The following LRRTM4 variants were observed in gnomAD, a reference collection of about 807,000 sequenced individuals.
The protein encoded by LRRTM4 is leucine rich repeat transmembrane neuronal 4.
Under a neutral mutation model 47.6 loss-of-function variants are expected in LRRTM4, and 25 were observed. The observed-to-expected ratio is 0.53, with a 90% CI of 0.38 to 0.73. LRRTM4 has a LOEUF of 0.73. Among genes scored for constraint, LRRTM4 ranks in the 30% least tolerant of loss-of-function variants. The probability of loss-of-function intolerance (pLI) is 0.00; values close to 1 mark genes in which losing one functional copy is unlikely to be tolerated. For missense variants in LRRTM4, 638 were observed against 713.4 expected, an observed-to-expected ratio of 0.89 and a Z score of 1.20; for synonymous variants, 311 against 269.5, an observed-to-expected ratio of 1.15 and a Z score of -1.51.
At chr2:77,380,573 G>A (rs375390578) in intron 3 of LRRTM4, among the ~76,000 whole-genome samples, 2 of 152,072 alleles carry the variant, frequency 1.3e-5, no homozygotes, top group Admixed American at 6.6e-5. Flanking sequence ...AAGATGGGTG[G>A]ATCACTTGAG....
At chr2:77,477,777 T>C (rs1449971152) in intron 3 of LRRTM4, among the ~76,000 whole-genome samples, 1 of 144,944 alleles carries the variant, frequency 6.9e-6, no homozygotes, top group African/African-American at 2.6e-5. Flanking sequence ...AGGTAGAGGT[T>C]GCGGTGAGCC....
At chr2:77,263,658 A>G (rs1443076866) in intron 3 of LRRTM4, among the ~76,000 whole-genome samples, 1 of 152,140 alleles carries the variant, frequency 6.6e-6, no homozygotes, top group Admixed American at 6.6e-5. Flanking sequence ...GGAAGAAAAC[A>G]GTTTTTGTTT....
chr2:76,884,412 T>C (rs1051200334), intron 3 of LRRTM4, among the ~76,000 whole-genome samples: 2 of 152,146 alleles, frequency 1.3e-5, no homozygotes, highest in East Asian at 1.9e-4. Flanking sequence ...GTGTATAATG[T>C]TGAAAATTGG....
At chr2:77,049,108 T>G (rs1222667131) in intron 3 of LRRTM4, among the ~76,000 whole-genome samples, 3 of 123,526 alleles carry the variant, frequency 2.4e-5, no homozygotes, top group African/African-American at 6.8e-5. Context: ...TTTGACTAAA[T>G]AATATTTCAT....
At chr2:76,855,156 G>C (rs138043973) in intron 3 of LRRTM4, among the ~76,000 whole-genome samples, 1 of 152,164 alleles carries the variant, frequency 6.6e-6, no homozygotes, top group Non-Finnish European at 1.5e-5. Flanking sequence ...GCCTGCTTGC[G>C]GAGACATCAG....
intron 3 of LRRTM4, among the ~76,000 whole-genome samples, chr2:76,801,043 GAACAC>G (rs926495631): frequency 6.1e-5 from 9 of 148,512 alleles, no homozygotes; most frequent in African/African-American, 2.3e-4. Context: ...GGAGAAATAG[GAACAC>G]TTTTACACTG....
intron 3 of LRRTM4, among the ~76,000 whole-genome samples, chr2:77,420,546 C>T (rs1343516062): frequency 2.0e-5 from 3 of 151,278 alleles, no homozygotes; most frequent in African/African-American, 7.3e-5. Context: ...AAAGGACGTA[C>T]AGGTATAAGG....
At chr2:77,439,954 G>A (rs993250820) in intron 3 of LRRTM4, among the ~76,000 whole-genome samples, 2 of 152,130 alleles carry the variant, frequency 1.3e-5, no homozygotes, top group African/African-American at 4.8e-5. Context: ...CAGAGACTGT[G>A]CCCTTGAAGA....
chr2:77,164,161 C>T (rs931960606), intron 3 of LRRTM4, among the ~76,000 whole-genome samples: 2 of 152,096 alleles, frequency 1.3e-5, no homozygotes, highest in African/African-American at 2.4e-5. Context: ...GGTTGCAATC[C>T]TAGTCTCTGA....
chr2:77,319,806 G>A (rs1016804427), intron 3 of LRRTM4, among the ~76,000 whole-genome samples: 2 of 152,084 alleles, frequency 1.3e-5, no homozygotes, highest in Admixed American at 6.5e-5. Context: ...ATCAAGATTT[G>A]TTGTCTATTA....
chr2:77,005,839 C>G (rs1448239394), intron 3 of LRRTM4, among the ~76,000 whole-genome samples: 5 of 152,178 alleles, frequency 3.3e-5, no homozygotes, highest in Non-Finnish European at 2.9e-5. Flanking sequence ...AGTGTGAGAA[C>G]AGACTAATAC....
chr2:77,041,137 A>C (rs893841545), intron 3 of LRRTM4, among the ~76,000 whole-genome samples: 2 of 151,508 alleles, frequency 1.3e-5, no homozygotes, highest in African/African-American at 4.8e-5. Context: ...CTGTTAGATC[A>C]ACTTTAGATT....
At position 77,081,038 on chromosome 2, in the gene LRRTM4, C is replaced by G. The variant is rs559663889; in HGVS notation, c.1552-332122G>C. Reference sequence around the variant, plus strand: ...TATTTTCTTGCTTTAATTGCAATTTCTCAATGCCTCCCATGCTGCTTATGT... The same window carrying G: ...TATTTTCTTGCTTTAATTGCAATTTGTCAATGCCTCCCATGCTGCTTATGT... On this transcript the variant is annotated intron_variant, in intron 3 of 3. Transcript: ENST00000409884. Among the ~76,000 whole-genome samples, 7 of 152,142 alleles carry G rather than the reference C, an allele frequency of 4.6e-5. No individual in the cohort carries two copies. In the South Asian group the frequency reaches 1.2e-3, roughly 27 times the overall value.
intron 3 of LRRTM4, among the ~76,000 whole-genome samples, chr2:76,846,777 A>C (rs954715987): frequency 6.6e-6 from 1 of 152,190 alleles, no homozygotes; most frequent in African/African-American, 2.4e-5. Flanking sequence ...TACTAAGAAC[A>C]TCTTTGTATT....
chr2:77,448,289 T>C (rs183767946), intron 3 of LRRTM4, among the ~76,000 whole-genome samples: 251 of 152,270 alleles, frequency 1.6e-3, no homozygotes, highest in Admixed American at 5.4e-3. Context: ...CACCATGAGA[T>C]GATTGGCAAG....
intron 3 of LRRTM4, among the ~76,000 whole-genome samples, chr2:77,303,489 T>G (rs1677193313): frequency 6.6e-6 from 1 of 152,158 alleles, no homozygotes; most frequent in South Asian, 2.1e-4. Context: ...CATGATTACT[T>G]TAAGTGGTGA....
chr2:77,324,245 G>A (rs1670672191), intron 3 of LRRTM4, among the ~76,000 whole-genome samples: 2 of 152,124 alleles, frequency 1.3e-5, no homozygotes, highest in Admixed American at 1.3e-4. Context: ...TTGTGTTGAG[G>A]TGTATTGGAG....
chr2:77,507,137 A>C (rs1678807296), intron 3 of LRRTM4, among the ~76,000 whole-genome samples: 1 of 151,570 alleles, frequency 6.6e-6, no homozygotes, highest in African/African-American at 2.4e-5. Context: ...ATAACTAGAA[A>C]ATAATGGAAA....
chr2:77,497,186 T>A (rs1163477736), intron 3 of LRRTM4, among the ~76,000 whole-genome samples: 5 of 151,670 alleles, frequency 3.3e-5, no homozygotes, highest in Non-Finnish European at 7.4e-5. Flanking sequence ...TGTTTGCTCA[T>A]TTTTTTGCCA....
Sources: gnomAD v4.1 joint callset for allele counts (sites outside exome capture counted in the v4.1 genomes callset) on GRCh38, gnomAD v4.1.1 for gene constraint, MANE v1.5 for transcripts, NCBI Gene and HGNC (gene_info 2026-07-23, HGNC 2026-07-21) for gene names.